The following B3GALT1 variants were observed in gnomAD, a reference collection of about 807,000 sequenced individuals.
The protein encoded by B3GALT1 is UDP-Gal:betaGlcNAc beta 1,3-galactosyltransferase, polypeptide 1.
A neutral mutation model predicts 23.2 loss-of-function variants in B3GALT1; 10 were observed. The ratio of observed to expected loss-of-function variants is 0.43; its 90% confidence interval spans 0.27 to 0.73. The LOEUF (loss-of-function observed/expected upper bound fraction) is 0.73. Ranked by LOEUF, B3GALT1 falls within the 30% of genes least tolerant of loss-of-function variation. The probability of loss-of-function intolerance (pLI) is 0.21; values close to 1 mark genes in which losing one functional copy is unlikely to be tolerated. For synonymous variants in B3GALT1, 156 were observed against 141.5 expected (o/e 1.10, Z -0.73); for missense variants, 299 against 405.4 (o/e 0.74, Z 2.25).
intron 2 of B3GALT1, among the ~76,000 whole-genome samples, chr2:167,538,657 C>T (rs1389256122): frequency 2.0e-5 from 3 of 152,112 alleles, no homozygotes; most frequent in Non-Finnish European, 4.4e-5. Flanking sequence ...TCTCCAAACT[C>T]GGTCTGTTTT....
At chr2:167,399,877 T>C (rs1423231043) in intron 1 of B3GALT1, among the ~76,000 whole-genome samples, 1 of 152,108 alleles carries the variant, frequency 6.6e-6, no homozygotes, top group Non-Finnish European at 1.5e-5. Flanking sequence ...AGTTGCTTTC[T>C]CAGAAGGAGG....
chr2:167,792,597 T>A (rs1161887037), intron 3 of B3GALT1, among the ~76,000 whole-genome samples: 1 of 152,156 alleles, frequency 6.6e-6, no homozygotes, highest in Non-Finnish European at 1.5e-5. Context: ...GATACAAAAC[T>A]TGGCAGGAAC....
chr2:167,609,493 G>A (rs959170981), intron 2 of B3GALT1, among the ~76,000 whole-genome samples: 4 of 151,998 alleles, frequency 2.6e-5, no homozygotes, highest in African/African-American at 7.2e-5. Context: ...TCTCTCTTCC[G>A]CTCTACCACC....
chr2:167,427,617 G>T (rs1349076115), intron 1 of B3GALT1, among the ~76,000 whole-genome samples: 2 of 152,164 alleles, frequency 1.3e-5, no homozygotes, highest in Admixed American at 1.3e-4. Flanking sequence ...GTTGACTGCA[G>T]CCTCGAATCC....
chr2:167,606,402 T>C (rs1684962695), intron 2 of B3GALT1, among the ~76,000 whole-genome samples: 1 of 152,174 alleles, frequency 6.6e-6, no homozygotes, highest in Non-Finnish European at 1.5e-5. Context: ...CTGAAAAAAT[T>C]ATATCATTAA....
intron 1 of B3GALT1, among the ~76,000 whole-genome samples, chr2:167,432,636 G>A (rs1378964400): frequency 1.3e-5 from 2 of 152,138 alleles, no homozygotes; most frequent in African/African-American, 4.8e-5. Flanking sequence ...TATTTTTGTG[G>A]AGCTCTTATC....
chr2:167,372,214 T>C (rs992765219), intron 1 of B3GALT1, among the ~76,000 whole-genome samples: 8 of 152,034 alleles, frequency 5.3e-5, no homozygotes, highest in Non-Finnish European at 1.0e-4. Context: ...CAGTTTTCTG[T>C]ATTTACAGAA....
At chr2:167,537,207 C>T (rs1474110257) in intron 2 of B3GALT1, among the ~76,000 whole-genome samples, 3 of 152,016 alleles carry the variant, frequency 2.0e-5, no homozygotes, top group Non-Finnish European at 4.4e-5. Context: ...CAGGAAAACT[C>T]CCGTTTATAA....
intron 2 of B3GALT1, among the ~76,000 whole-genome samples, chr2:167,565,899 G>A (rs546666088): frequency 6.6e-6 from 1 of 152,050 alleles, no homozygotes; most frequent in South Asian, 2.1e-4. Flanking sequence ...TTACACTGTT[G>A]GTGGGACTGT....
rs1195110974 is a variant in B3GALT1 at position 167,645,553 on chromosome 2, A to ATTTTTTT, written c.-409-1336_-409-1330dup. On this transcript the variant is annotated intron_variant, in intron 2 of 4. Transcript: ENST00000392690. ...GTTCTACCCTTGGCCACTGCCAATA[A>ATTTTTTT]TTTTTTTTTTTTTTTTTTTTTTTTT... Among the ~76,000 whole-genome samples the ATTTTTTT allele has an allele frequency of 1.3e-4, 11 of 87,046 alleles. 1 individual carries two copies. The highest frequency in any genetic ancestry group is 3.3e-4 in the African/African-American group (7 of 21,246). 57.1% of individuals were successfully genotyped at this position (87,046 alleles called of 152,430 possible). A position where few individuals can be genotyped will look rare whatever the true frequency, so the allele number is the denominator to read the frequency against.
chr2:167,488,686 A>G (rs925542224), intron 1 of B3GALT1, among the ~76,000 whole-genome samples: 2 of 152,222 alleles, frequency 1.3e-5, no homozygotes, highest in Admixed American at 6.5e-5. Context: ...CCATGTAACC[A>G]TTATCCAATC....
intron 1 of B3GALT1, among the ~76,000 whole-genome samples, chr2:167,403,189 C>G (rs921253177): frequency 8.4e-6 from 1 of 119,586 alleles, no homozygotes; most frequent in South Asian, 3.3e-4. Context: ...CACCCCACTA[C>G]AGGCCCCGGT....
intron 4 of B3GALT1, among the ~76,000 whole-genome samples, chr2:167,864,524 A>G (rs1450215305): frequency 6.6e-6 from 1 of 152,198 alleles, no homozygotes; most frequent in Non-Finnish European, 1.5e-5. Flanking sequence ...TGATTGTGCC[A>G]CTGCACTCCA....
At chr2:167,512,713 T>G (rs1700044131) in intron 2 of B3GALT1, among the ~76,000 whole-genome samples, 1 of 146,642 alleles carries the variant, frequency 6.8e-6, no homozygotes. Flanking sequence ...CTTGGCTCAC[T>G]GCAACCTACA....
chr2:167,447,886 A>G (rs563203894), intron 1 of B3GALT1, among the ~76,000 whole-genome samples: 3 of 152,062 alleles, frequency 2.0e-5, no homozygotes, highest in Non-Finnish European at 4.4e-5. Flanking sequence ...CCCCAGTGAG[A>G]TGAACCTGGT....
chr2:167,583,002 T>C (rs574211236), intron 2 of B3GALT1, among the ~76,000 whole-genome samples: 26 of 152,120 alleles, frequency 1.7e-4, no homozygotes, highest in Admixed American at 2.6e-4. Context: ...ACCCCACCCC[T>C]AGTGACTTGG....
At chr2:167,466,086 A>G (rs767281213) in intron 1 of B3GALT1, among the ~76,000 whole-genome samples, 5 of 152,202 alleles carry the variant, frequency 3.3e-5, no homozygotes, top group Non-Finnish European at 7.3e-5. Context: ...TCTCCTATAA[A>G]TGCAACCTCA....
intron 1 of B3GALT1, among the ~76,000 whole-genome samples, chr2:167,413,088 T>G (rs1158146363): frequency 2.0e-5 from 3 of 152,086 alleles, no homozygotes; most frequent in African/African-American, 7.2e-5. Context: ...TATGTCTTGT[T>G]TGGATGACTG....
chr2:167,539,750 A>G (rs1683504466), intron 2 of B3GALT1, among the ~76,000 whole-genome samples: 1 of 152,150 alleles, frequency 6.6e-6, no homozygotes, highest in African/African-American at 2.4e-5. Flanking sequence ...AGAAGGTAAT[A>G]TAAGGTGAAG....
Sources: allele counts gnomAD v4.1 joint callset (sites outside exome capture counted in the v4.1 genomes callset), GRCh38; gene constraint gnomAD v4.1.1; transcripts MANE v1.5; gene names NCBI Gene and HGNC (gene_info 2026-07-23, HGNC 2026-07-21).